The following PACRG variants were observed in gnomAD, a reference collection of about 807,000 sequenced individuals.
PACRG encodes the protein parkin coregulated gene protein.
A neutral mutation model predicts 29.7 loss-of-function variants in PACRG; 29 were observed. The observed-to-expected ratio is 0.98, with a 90% CI of 0.73 to 1.33. The LOEUF is 1.33. Among genes scored for constraint, PACRG ranks in the 40% most tolerant of loss-of-function variants. PACRG has a pLI of 0.00. For synonymous variants in PACRG, 116 were observed against 118.7 expected (o/e 0.98, Z 0.15); for missense variants, 279 against 316.2 (o/e 0.88, Z 0.89).
intron 2 of PACRG, among the ~76,000 whole-genome samples, chr6:162,873,344 T>A (rs1003469079): frequency 4.6e-5 from 7 of 152,210 alleles, no homozygotes; most frequent in Admixed American, 3.3e-4. Context: ...GTAGGTCACA[T>A]GTCATTATTT....
chr6:163,042,006 C>A (rs1402962856), intron 2 of PACRG, among the ~76,000 whole-genome samples: 1 of 152,226 alleles, frequency 6.6e-6, no homozygotes. Flanking sequence ...GCTGGAATAA[C>A]AGGCATGCAC....
At chr6:162,822,838 C>A (rs1254801403) in intron 2 of PACRG, among the ~76,000 whole-genome samples, 1 of 151,896 alleles carries the variant, frequency 6.6e-6, no homozygotes, top group African/African-American at 2.4e-5. Context: ...TCTTTGTATT[C>A]TATTAATGAC....
At chr6:163,049,950 C>CT (rs1177320233) in intron 2 of PACRG, among the ~76,000 whole-genome samples, 7 of 151,490 alleles carry the variant, frequency 4.6e-5, no homozygotes, top group East Asian at 3.9e-4. Context: ...CTACAAGATA[C>CT]TTTTTTTTTA....
intron 4 of PACRG, among the ~76,000 whole-genome samples, chr6:163,110,939 C>T (rs1815679348): frequency 6.6e-6 from 1 of 152,216 alleles, no homozygotes; most frequent in African/African-American, 2.4e-5. Flanking sequence ...GAAGGAGAAA[C>T]ACTCACATGT....
intron 4 of PACRG, among the ~76,000 whole-genome samples, chr6:163,225,652 G>C (rs1007821133): frequency 6.6e-6 from 1 of 152,178 alleles, no homozygotes; most frequent in African/African-American, 2.4e-5. Flanking sequence ...CAGTATGGAG[G>C]TTCCTCAAAA....
chr6:163,179,862 A>T (rs1562952121), intron 4 of PACRG, among the ~76,000 whole-genome samples: 1 of 152,196 alleles, frequency 6.6e-6, no homozygotes, highest in Non-Finnish European at 1.5e-5. Context: ...TACAGATGAC[A>T]TTCTCGCAGA....
At chr6:162,868,193 T>A (rs1170117071) in intron 2 of PACRG, among the ~76,000 whole-genome samples, 2 of 152,146 alleles carry the variant, frequency 1.3e-5, no homozygotes, top group East Asian at 1.9e-4. Flanking sequence ...ATACACGGTG[T>A]TCCTAGATCC....
chr6:162,739,842 A>C (rs1488264247), intron 1 of PACRG, among the ~76,000 whole-genome samples: 1 of 24,686 alleles, frequency 4.1e-5, no homozygotes, highest in Admixed American at 4.1e-4. Flanking sequence ...CTCCATCTTT[A>C]AAAAAAAAAA....
At chr6:162,814,317 C>A (rs749557540) in intron 2 of PACRG, 36 bp downstream of exon 2, 12 of 1,607,318 alleles carry the variant, frequency 7.5e-6, no homozygotes, top group Admixed American at 1.7e-5. Context: ...CCAGCTGCAC[C>A]CGCTGAAGTG....
At chr6:162,997,905 G>A (rs1287796783) in intron 2 of PACRG, among the ~76,000 whole-genome samples, 1 of 152,150 alleles carries the variant, frequency 6.6e-6, no homozygotes, top group African/African-American at 2.4e-5. Flanking sequence ...TTGTAGTCTG[G>A]ATGCTAATTC....
In PACRG at chr6:162,929,951, T is replaced by C. The variant is rs571990951; in HGVS notation, c.291+115670T>C. On this transcript the variant is annotated intron_variant, in intron 2 of 4. Transcript: ENST00000366888. Reference sequence around the variant, plus strand: ...TCATTGGTCTATGTGTCCATTTTTATGCCAGTACCATGCTCATTTGGTTGC... The same window carrying C: ...TCATTGGTCTATGTGTCCATTTTTACGCCAGTACCATGCTCATTTGGTTGC... 9.9e-5 allele frequency among the ~76,000 whole-genome samples: 15 copies of C among 152,176 alleles called. No homozygotes were observed. The South Asian group carries it at 3.1e-3, about 31-fold the overall frequency.
chr6:163,019,581 A>G (rs1285567129), intron 2 of PACRG, among the ~76,000 whole-genome samples: 1 of 152,088 alleles, frequency 6.6e-6, no homozygotes, highest in Non-Finnish European at 1.5e-5. Flanking sequence ...CAAATATGGC[A>G]TCTGTTGGTG....
intron 1 of PACRG, among the ~76,000 whole-genome samples, chr6:162,754,771 C>A (rs190514085): frequency 6.6e-6 from 1 of 152,080 alleles, no homozygotes; most frequent in Non-Finnish European, 1.5e-5. Flanking sequence ...GAAATCAGTT[C>A]GCCATAAATG....
intron 2 of PACRG, among the ~76,000 whole-genome samples, chr6:162,954,810 A>G (rs1584858245): frequency 6.6e-6 from 1 of 152,184 alleles, no homozygotes; most frequent in Non-Finnish European, 1.5e-5. Context: ...TTGTCTCTTC[A>G]CTCTGTACAT....
At chr6:163,222,104 T>G (rs1266523794) in intron 4 of PACRG, among the ~76,000 whole-genome samples, 1 of 103,366 alleles carries the variant, frequency 9.7e-6, no homozygotes, top group Non-Finnish European at 1.9e-5. Context: ...CAAAAAACTG[T>G]AAAGTATTTT....
chr6:162,823,802 C>T (rs192269080), intron 2 of PACRG, among the ~76,000 whole-genome samples: 4 of 152,226 alleles, frequency 2.6e-5, no homozygotes, highest in East Asian at 1.9e-4. Context: ...CCTGAACCAC[C>T]GCGCCTGGCC....
intron 1 of PACRG, among the ~76,000 whole-genome samples, chr6:162,804,013 A>G (rs1285795506): frequency 6.6e-6 from 1 of 152,172 alleles, no homozygotes; most frequent in East Asian, 1.9e-4. Context: ...TTAGCTATTA[A>G]ATACAAAATT....
At chr6:162,727,527 CG>C, upstream of PACRG, 1 of 995,086 alleles carries the variant, frequency 1.0e-6, no homozygotes, top group African/African-American at 1.7e-5. Context: ...CGGCGCGGGC[CG>C]GGGACGGCAC....
At chr6:162,745,331 C>T (rs1780902985) in intron 1 of PACRG, among the ~76,000 whole-genome samples, 1 of 150,978 alleles carries the variant, frequency 6.6e-6, no homozygotes, top group Non-Finnish European at 1.5e-5. Context: ...GGGAGTTGAA[C>T]AATGAGAACA....
Sources: gnomAD v4.1 joint callset for allele counts (sites outside exome capture counted in the v4.1 genomes callset) on GRCh38, gnomAD v4.1.1 for gene constraint, MANE v1.5 for transcripts, NCBI Gene and HGNC (gene_info 2026-07-23, HGNC 2026-07-21) for gene names.